Variants in SSBP2 observed in about 807,000 individuals in gnomAD.
The protein encoded by SSBP2 is single stranded DNA binding protein 2.
Under a neutral mutation model 61.8 loss-of-function variants are expected in SSBP2, and 17 were observed. That is an observed-to-expected ratio of 0.28 (90% CI 0.19 to 0.41). The LOEUF is 0.41. SSBP2 is among the 10% of genes least tolerant of loss of function. The pLI is 1.00. For missense variants in SSBP2, 310 were observed against 458.7 expected, an observed-to-expected ratio of 0.68 and a Z score of 2.96; for synonymous variants, 139 against 141.3, an observed-to-expected ratio of 0.98 and a Z score of 0.12.
At chr5:81,609,560 C>T (rs1211953920) in intron 4 of SSBP2, among the ~76,000 whole-genome samples, 1 of 152,092 alleles carries the variant, frequency 6.6e-6, no homozygotes, top group African/African-American at 2.4e-5. Context: ...GTAATTTGTA[C>T]ATAAATAGGT....
At chr5:81,600,561 C>CAAAA (rs35204869) in intron 4 of SSBP2, among the ~76,000 whole-genome samples, 7 of 87,598 alleles carry the variant, frequency 8.0e-5, no homozygotes, top group East Asian at 5.7e-4. Flanking sequence ...GACTCTGTCT[C>CAAAA]AAAAAAAAAA....
chr5:81,476,479 A>T (rs1182899514), intron 6 of SSBP2, among the ~76,000 whole-genome samples: 1 of 152,154 alleles, frequency 6.6e-6, no homozygotes, highest in Non-Finnish European at 1.5e-5. Context: ...CAGGTCTTAA[A>T]TTCTACAGCA....
chr5:81,661,426 A>G, intron 1 of SSBP2, among the ~76,000 whole-genome samples: 1 of 152,068 alleles, frequency 6.6e-6, no homozygotes, highest in Non-Finnish European at 1.5e-5. Context: ...AAACCTCCGT[A>G]CTGTTTTCCA....
intron 5 of SSBP2, among the ~76,000 whole-genome samples, chr5:81,489,900 C>T (rs116284657): frequency 0.01 from 1,534 of 152,088 alleles, 21 homozygotes; most frequent in African/African-American, 0.035. Flanking sequence ...CACCTATAGT[C>T]CCACCTACTC....
At chr5:81,712,171 G>A (rs983980564) in intron 1 of SSBP2, among the ~76,000 whole-genome samples, 1 of 150,328 alleles carries the variant, frequency 6.7e-6, no homozygotes, top group African/African-American at 2.5e-5. Flanking sequence ...TGAATAGACA[G>A]ATGGATATTC....
chr5:81,533,548 C>A (rs951466865), intron 4 of SSBP2, among the ~76,000 whole-genome samples: 12 of 151,900 alleles, frequency 7.9e-5, no homozygotes, highest in African/African-American at 2.9e-4. Context: ...TTCTGTTACG[C>A]CATGTAAGAA....
At chr5:81,522,708 G>C (rs1296081312) in intron 4 of SSBP2, among the ~76,000 whole-genome samples, 2 of 151,978 alleles carry the variant, frequency 1.3e-5, no homozygotes, top group Non-Finnish European at 2.9e-5. Context: ...TTATTCCTGG[G>C]CATTTGTTTG....
At chr5:81,681,292 G>A (rs1395546833) in intron 1 of SSBP2, among the ~76,000 whole-genome samples, 1 of 152,062 alleles carries the variant, frequency 6.6e-6, no homozygotes, top group East Asian at 1.9e-4. Flanking sequence ...GACCGAGGAG[G>A]GCAGATCACC....
At chr5:81,436,916 T>C (rs1762708162) in intron 15 of SSBP2, among the ~76,000 whole-genome samples, 1 of 152,162 alleles carries the variant, frequency 6.6e-6, no homozygotes, top group Non-Finnish European at 1.5e-5. Context: ...ACGAATATAA[T>C]TTTCCTCTAA....
intron 4 of SSBP2, among the ~76,000 whole-genome samples, chr5:81,598,085 A>G (rs369623464): frequency 6.6e-6 from 1 of 151,776 alleles, no homozygotes; most frequent in Non-Finnish European, 1.5e-5. Context: ...AATAGCTGAG[A>G]ATTTTCCAAA....
intron 5 of SSBP2, among the ~76,000 whole-genome samples, chr5:81,505,913 C>G (rs1219859173): frequency 6.6e-6 from 1 of 152,158 alleles, no homozygotes; most frequent in Non-Finnish European, 1.5e-5. Flanking sequence ...TCATTTGATT[C>G]TAACTGGAAA....
At chr5:81,493,626 T>G (rs1025503544) in intron 5 of SSBP2, among the ~76,000 whole-genome samples, 2 of 151,954 alleles carry the variant, frequency 1.3e-5, no homozygotes, top group African/African-American at 4.8e-5. Flanking sequence ...TGTGGTGGCA[T>G]GTGCCTGTAG....
At chr5:81,632,499 G>T (rs1747818998) in intron 3 of SSBP2, among the ~76,000 whole-genome samples, 1 of 152,122 alleles carries the variant, frequency 6.6e-6, no homozygotes, top group Non-Finnish European at 1.5e-5. Flanking sequence ...GACATATAAG[G>T]AACAGTATTT....
At chr5:81,480,657 T>C (rs1408204324) in intron 6 of SSBP2, among the ~76,000 whole-genome samples, 1 of 152,168 alleles carries the variant, frequency 6.6e-6, no homozygotes, top group Admixed American at 6.5e-5. Context: ...CCACCCGCCT[T>C]GGCCTCCCAA....
intron 4 of SSBP2, among the ~76,000 whole-genome samples, chr5:81,533,559 C>A (rs909892203): frequency 1.3e-5 from 2 of 151,986 alleles, no homozygotes; most frequent in Admixed American, 6.6e-5. Context: ...CATGTAAGAA[C>A]TTGGAAGTCA....
intron 4 of SSBP2, among the ~76,000 whole-genome samples, chr5:81,597,462 G>T (rs1469060929): frequency 1.3e-5 from 2 of 152,140 alleles, no homozygotes; most frequent in Admixed American, 1.3e-4. Context: ...ATTCCTCAGG[G>T]ATCTAGAACT....
At chr5:81,484,735 ATACT>A (rs1396324489) in intron 6 of SSBP2, among the ~76,000 whole-genome samples, 1 of 152,132 alleles carries the variant, frequency 6.6e-6, no homozygotes, top group African/African-American at 2.4e-5. Flanking sequence ...TAATATGTAC[ATACT>A]ATTTCATCAT....
At chr5:81,634,543 A>G (rs1158334115) in intron 3 of SSBP2, among the ~76,000 whole-genome samples, 2 of 152,138 alleles carry the variant, frequency 1.3e-5, no homozygotes. Flanking sequence ...ATCTTTTCAA[A>G]TTTTTTACAG....
At chr5:81,665,368 A>C (rs1274338737) in intron 1 of SSBP2, among the ~76,000 whole-genome samples, 1 of 152,228 alleles carries the variant, frequency 6.6e-6, no homozygotes, top group East Asian at 1.9e-4. Context: ...ATGGATGGAT[A>C]TATCTAAAAT....
Sources: allele counts gnomAD v4.1 joint callset (sites outside exome capture counted in the v4.1 genomes callset), GRCh38; gene constraint gnomAD v4.1.1; transcripts MANE v1.5; gene names NCBI Gene and HGNC (gene_info 2026-07-23, HGNC 2026-07-21).